ADGRD1: variants seen among roughly 807,000 people sequenced by gnomAD.
ADGRD1 encodes adhesion G protein-coupled receptor D1, also known as G-protein coupled receptor 133.
ADGRD1 carries 77 observed loss-of-function variants against 113.4 expected under a neutral mutation model. That is an observed-to-expected ratio of 0.68 (90% CI 0.57 to 0.82). ADGRD1 has a LOEUF of 0.82. Ranked by LOEUF, ADGRD1 falls within the 40% of genes least tolerant of loss-of-function variation. The pLI is 0.00. For synonymous variants in ADGRD1, 474 were observed against 475.0 expected, an observed-to-expected ratio of 1.00 and a Z score of 0.03; for missense variants, 1,036 against 1,139.1, an observed-to-expected ratio of 0.91 and a Z score of 1.30.
chr12:130,982,346 C>A (rs371908302), intron 5 of ADGRD1, among the ~76,000 whole-genome samples: 1 of 152,212 alleles, frequency 6.6e-6, no homozygotes, highest in South Asian at 2.1e-4. Flanking sequence ...AGTGATCACA[C>A]CTGTGATGTG....
chr12:131,105,693 C>T lies in ADGRD1; in HGVS notation c.1776-61C>T, dbSNP rs1002476329. ...ATAGGGACTTCGTGGGGCCAGGGAG[C>T]CCAGCCTGGGGGACTGGGTCGGCGC... is the stretch of plus-strand genomic sequence containing the variant. On this transcript the variant is annotated intron_variant, in intron 16 of 24. Transcript: ENST00000261654. The T allele has an allele frequency of 5.9e-6, 8 of 1,352,034 alleles. No homozygotes were observed. In the African/African-American group the frequency reaches 8.6e-5, roughly 15 times the overall value. 83.8% of individuals were successfully genotyped at this position (1,352,034 alleles called of 1,614,324 possible). A position where few individuals can be genotyped will look rare whatever the true frequency, so the allele number is the denominator to read the frequency against.
chr12:131,018,042 C>T (rs963505482), intron 13 of ADGRD1, among the ~76,000 whole-genome samples: 3 of 152,248 alleles, frequency 2.0e-5, no homozygotes, highest in African/African-American at 7.2e-5. Flanking sequence ...CACCCACATC[C>T]CATCCTTGCA....
rs1950933507 is a variant in ADGRD1 at position 131,131,705 on chromosome 12, C to T, written c.2176-20C>T. The T allele has an allele frequency of 6.3e-7, 1 of 1,578,104 alleles. No individual in the cohort carries two copies. On this transcript the variant is annotated intron_variant, in intron 20 of 24. Transcript: ENST00000261654. ...TGCAGCCCAGGCCCCCCTCACCTTC[C>T]TCCATGGTTTCTTGTGCAGGTCAAC...
intron 2 of ADGRD1, among the ~76,000 whole-genome samples, chr12:130,963,533 A>G (rs1030433512): frequency 6.6e-6 from 1 of 152,118 alleles, no homozygotes; most frequent in Non-Finnish European, 1.5e-5. Flanking sequence ...TTTTACACAA[A>G]TAGCTCATAG....
intron 3 of ADGRD1, chr12:130,969,447 G>A (rs112537684): frequency 0.039 from 7,884 of 201,442 alleles, 371 homozygotes; most frequent in African/African-American, 0.13. Flanking sequence ...CAGATCAGCA[G>A]CAGCATTAAA....
chr12:131,122,806 G>A (rs937519329), intron 20 of ADGRD1, among the ~76,000 whole-genome samples: 3 of 152,156 alleles, frequency 2.0e-5, no homozygotes, highest in Admixed American at 6.5e-5. Flanking sequence ...GTGACAGCTG[G>A]GGTTCCGAGG....
In ADGRD1 at chr12:130,969,167, A is replaced by T. The variant is rs1871334771; in HGVS notation, c.188-2291A>T. The stretch of plus-strand genomic sequence containing the variant: ...CTGTTTGGTAGTATCTGAATTCACT[A>T]TGTCTTGGCTAGCAAGTGAGCAAAT... On this transcript the variant is annotated intron_variant, in intron 3 of 24. Coordinates refer to ENST00000261654, the MANE Select transcript of ADGRD1 (RefSeq NM_198827.5). 4 of 730,890 alleles carry T rather than the reference A, an allele frequency of 5.5e-6. No homozygotes were observed. The East Asian group carries it at 1.1e-4, about 20-fold the overall frequency. 45.3% of individuals were successfully genotyped at this position (730,890 alleles called of 1,614,324 possible).
intron 13 of ADGRD1, among the ~76,000 whole-genome samples, chr12:131,047,653 A>G (rs556085611): frequency 2.0e-5 from 3 of 152,192 alleles, no homozygotes; most frequent in Admixed American, 1.3e-4. Flanking sequence ...ACCGTTCCAG[A>G]CAAGAGTTAG....
chr12:131,011,186 A>C (rs1215031807), intron 12 of ADGRD1, among the ~76,000 whole-genome samples: 1 of 118,582 alleles, frequency 8.4e-6, no homozygotes. Flanking sequence ...CCCCTGCCCC[A>C]CCCTTCCCCA....
rs1873446814 is a variant in ADGRD1, at chr12:130,984,866, TTTCC to T, written c.491-2225_491-2222del. 6.9e-6 allele frequency among the ~76,000 whole-genome samples: 1 copy of T among 144,042 alleles called. No homozygotes were observed. Among genetic ancestry groups the T allele is most frequent in the Non-Finnish European group, 1.5e-5 (1 of 65,720 alleles). 94.5% of individuals were successfully genotyped at this position (144,042 alleles called of 152,430 possible). A position where few individuals can be genotyped will look rare whatever the true frequency, so the allele number is the denominator to read the frequency against. ...CTTCCATCCTCCCTTGCTCCCTTCC[TTTCC>T]TTCTTTCCTTCCTTCTTTCTTCTCT... is the stretch of plus-strand genomic sequence containing the variant. On this transcript the variant is annotated intron_variant, in intron 5 of 24. Coordinates refer to ENST00000261654, the MANE Select transcript of ADGRD1 (RefSeq NM_198827.5). The surrounding 1 kb of genome is among the most constrained non-coding windows in gnomAD (Gnocchi z 4.1).
At chr12:130,963,349 A>AAAATTC (rs1242469228) in intron 2 of ADGRD1, among the ~76,000 whole-genome samples, 1 of 149,700 alleles carries the variant, frequency 6.7e-6, no homozygotes, top group African/African-American at 2.5e-5. Context: ...AAAAGAAAGA[A>AAAATTC]AAATTCAAAT....
chr12:131,071,018 G>A lies in ADGRD1; in HGVS notation c.1474-5783G>A. ...GCCACTTGATAGAGGGTGGGGCCAT[G>A]TACAAGGAGGTGGGGCTAAGTGAAA... On this transcript the variant is annotated intron_variant, in intron 13 of 24. Transcript: ENST00000261654. 4.1e-6 allele frequency: 2 copies of A among 488,046 alleles called. 1 individual carries two copies. Among genetic ancestry groups the A allele is most frequent in the South Asian group, 3.0e-5 (2 of 67,372 alleles). 30.2% of individuals were successfully genotyped at this position (488,046 alleles called of 1,614,324 possible). A position where few individuals can be genotyped will look rare whatever the true frequency, so the allele number is the denominator to read the frequency against.
At chr12:131,081,615 T>C (rs895369038) in intron 14 of ADGRD1, among the ~76,000 whole-genome samples, 6 of 152,168 alleles carry the variant, frequency 3.9e-5, no homozygotes, top group African/African-American at 1.4e-4. Context: ...GTAGTACATT[T>C]CACCTTTGTA....
At chr12:130,986,636 C>T (rs1873722185) in intron 5 of ADGRD1, among the ~76,000 whole-genome samples, 1 of 151,956 alleles carries the variant, frequency 6.6e-6, no homozygotes, top group Non-Finnish European at 1.5e-5. Context: ...ATTCTTATTT[C>T]CTTTTTTTTC....
At chr12:130,970,958 T>C (rs898933482) in intron 3 of ADGRD1, 4 of 152,362 alleles carry the variant, frequency 2.6e-5, no homozygotes, top group African/African-American at 9.6e-5. Context: ...GGAGTTCAGC[T>C]GTAGCTTCAC....
At chr12:130,960,770 A>G (rs1190086897) in intron 2 of ADGRD1, among the ~76,000 whole-genome samples, 1 of 152,146 alleles carries the variant, frequency 6.6e-6, no homozygotes, top group Non-Finnish European at 1.5e-5. Context: ...AGGAGACAAC[A>G]CACAAATATA....
chr12:131,001,461 A>G (rs935064166), intron 9 of ADGRD1, among the ~76,000 whole-genome samples: 2 of 152,242 alleles, frequency 1.3e-5, no homozygotes, highest in African/African-American at 4.8e-5. Context: ...TATGTATTCA[A>G]CAGATATACT....
chr12:131,041,979 GGTTT>G lies in ADGRD1; in HGVS notation c.1473+27643_1473+27646del, dbSNP rs1882180016. On this transcript the variant is annotated intron_variant, in intron 13 of 24. Coordinates refer to ENST00000261654, the MANE Select transcript of ADGRD1 (RefSeq NM_198827.5). This position sits in a 1 kb window ranked among gnomAD's most constrained non-coding sequence, Gnocchi z 4.4. ...ATGACCTAGGGTTCCTTCGCAGTCG[GGTTT>G]GTTATCCGAGTCCCCGAGGAGAAGG... 6.6e-6 allele frequency among the ~76,000 whole-genome samples: 1 copy of G among 152,180 alleles called. No homozygotes were observed. The highest frequency in any genetic ancestry group is 2.4e-5 in the African/African-American group (1 of 41,452).
Position 131,066,591 on chromosome 12 carries a change from C to T in ADGRD1, c.1474-10210C>T, listed in dbSNP as rs540700232. On this transcript the variant is annotated intron_variant, in intron 13 of 24. Transcript: ENST00000261654. ...AGGGAGAGGACAGAGCCAGACAGAC[C>T]GAATCCTGCCCTGTGACTCTCACAT... is the stretch of plus-strand genomic sequence containing the variant. 1.5e-3 allele frequency among the ~76,000 whole-genome samples: 229 copies of T among 152,330 alleles called. 1 individual carries two copies. Among genetic ancestry groups the T allele is most frequent in the African/African-American group, 5.2e-3 (215 of 41,584 alleles).
Sources: gnomAD v4.1 joint callset for allele counts (sites outside exome capture counted in the v4.1 genomes callset) on GRCh38, gnomAD v4.1.1 for gene constraint, Gnocchi (gnomAD v3.1) non-coding constraint, MANE v1.5 for transcripts, NCBI Gene and HGNC (gene_info 2026-07-23, HGNC 2026-07-21) for gene names.